Variants in DNAJC8 observed in about 807,000 individuals in gnomAD.
The protein encoded by DNAJC8 is DnaJ heat shock protein family (Hsp40) member C8.
In DNAJC8, 24 loss-of-function variants were observed where a neutral mutation model predicts 43.2. The observed-to-expected ratio is 0.56, with a 90% CI of 0.40 to 0.78. The LOEUF (loss-of-function observed/expected upper bound fraction) is 0.78. DNAJC8 is among the 30% of genes least tolerant of loss of function. DNAJC8 has a pLI of 0.00. For synonymous variants in DNAJC8, 83 were observed against 98.0 expected, an observed-to-expected ratio of 0.85 and a Z score of 0.90; for missense variants, 207 against 299.4, an observed-to-expected ratio of 0.69 and a Z score of 2.28.
At chr1:28,216,601 G>C (rs1278510969) in intron 2 of DNAJC8, among the ~76,000 whole-genome samples, 3 of 151,714 alleles carry the variant, frequency 2.0e-5, no homozygotes, top group Non-Finnish European at 4.4e-5. Flanking sequence ...GATGTTATGG[G>C]ATATATACAG....
In DNAJC8 at chr1:28,215,015, A is replaced by G; in HGVS notation, c.181-19T>C. 6.3e-7 allele frequency: 1 copy of G among 1,589,600 alleles called. No homozygotes were observed. Among genetic ancestry groups the G allele is most frequent in the Admixed American group, 1.8e-5 (1 of 55,986 alleles). ...GAAGAACCTGGAAGTATCAAAATCA[A>G]AACCATAAAAAAGGTGAAAATAAAT... On this transcript the variant is annotated intron_variant, in intron 2 of 8. Coordinates refer to ENST00000263697, the MANE Select transcript of DNAJC8 (RefSeq NM_014280.3).
chr1:28,207,664 G>A (rs538121884), intron 6 of DNAJC8, among the ~76,000 whole-genome samples: 7 of 151,068 alleles, frequency 4.6e-5, no homozygotes, highest in South Asian at 2.1e-4. Context: ...GGATGGTCTC[G>A]AACTCCTGAT....
chr1:28,200,371 GGTAGTTACCTT>G lies in DNAJC8; in HGVS notation c.*866_*876del. 1 of 416,502 alleles carries G rather than the reference GGTAGTTACCTT, an allele frequency of 2.4e-6. No homozygotes were observed. The allele number at this position is 416,502 out of a possible 1,614,324, so 25.8% of individuals were successfully genotyped here. A position where few individuals can be genotyped will look rare whatever the true frequency, so the allele number is the denominator to read the frequency against. On this transcript the variant is annotated 3_prime_UTR_variant, in exon 9 of 9. Coordinates refer to ENST00000263697, the MANE Select transcript of DNAJC8 (RefSeq NM_014280.3). ...ATTGGCAATACCCAAGGAGCACTATGGTAGTTACCTTGTATATGCCATGGCAAATCTGCCCT... is the reference window on the plus strand; with the variant it reads ...ATTGGCAATACCCAAGGAGCACTATGGTATATGCCATGGCAAATCTGCCCT...
chr1:28,209,418 T>C (rs1646794102), intron 5 of DNAJC8, among the ~76,000 whole-genome samples: 1 of 152,148 alleles, frequency 6.6e-6, no homozygotes, highest in African/African-American at 2.4e-5. Flanking sequence ...ATACTGACAT[T>C]TCCCACCACA....
intron 4 of DNAJC8, 44 bp downstream of exon 4, chr1:28,210,527 C>T (rs377713271): frequency 6.6e-7 from 1 of 1,521,904 alleles, no homozygotes; most frequent in Non-Finnish European, 9.1e-7. Context: ...TTAGGCCCTG[C>T]CATTCACAAT....
Position 28,219,076 on chromosome 1 carries a change from C to A in DNAJC8, c.181-4080G>T, listed in dbSNP as rs187122147. On this transcript the variant is annotated intron_variant, in intron 2 of 8. Transcript: ENST00000263697. Reference sequence around the variant, plus strand: ...AGATTATAGCTTACAACTAATCATGCCAAATGTAATTCATAAACCCTGGTT... The same window carrying A: ...AGATTATAGCTTACAACTAATCATGACAAATGTAATTCATAAACCCTGGTT... Among the ~76,000 whole-genome samples the A allele has an allele frequency of 3.2e-3, 487 of 152,198 alleles. 2 individuals carry two copies. The highest frequency in any genetic ancestry group is 0.011 in the African/African-American group (460 of 41,518).
intron 1 of DNAJC8, 39 bp downstream of exon 1, chr1:28,232,882 C>A (rs367617170): frequency 8.7e-6 from 14 of 1,600,458 alleles, no homozygotes; most frequent in Non-Finnish European, 1.1e-5. Context: ...GATCCGGGAG[C>A]GGTCGCCCCG....
chr1:28,229,690 C>T (rs1354146548), intron 1 of DNAJC8, among the ~76,000 whole-genome samples: 1 of 151,762 alleles, frequency 6.6e-6, no homozygotes, highest in Admixed American at 6.6e-5. Flanking sequence ...AGGAGAATCG[C>T]TTGAACCCCA....
At chr1:28,232,678 T>C (rs1197209710) in intron 1 of DNAJC8, among the ~76,000 whole-genome samples, 1 of 152,164 alleles carries the variant, frequency 6.6e-6, no homozygotes, top group Middle Eastern at 3.2e-3. Context: ...GCCCGCACTA[T>C]GTTGGACACA....
chr1:28,201,159 T>C lies in DNAJC8; in HGVS notation c.*89A>G. On this transcript the variant is annotated 3_prime_UTR_variant, in exon 9 of 9. Transcript: ENST00000263697. ...ACTAAAAAGCAAATACTACTCTATGTTGGGGTGGAAGTGGGAGGAAAGAAT... is the reference window on the plus strand; with the variant it reads ...ACTAAAAAGCAAATACTACTCTATGCTGGGGTGGAAGTGGGAGGAAAGAAT... 2.5e-6 allele frequency: 4 copies of C among 1,570,760 alleles called. No homozygotes were observed. The highest frequency in any genetic ancestry group is 1.4e-5 in the African/African-American group (1 of 73,352).
chr1:28,210,967 C>T (rs890749695), intron 3 of DNAJC8, among the ~76,000 whole-genome samples: 13 of 152,000 alleles, frequency 8.6e-5, no homozygotes, highest in Admixed American at 8.5e-4. Context: ...CCCAGGACTT[C>T]GAGACCAGCC....
At position 28,214,971 on chromosome 1, in the gene DNAJC8, G is replaced by T; in HGVS notation, c.206C>A (p.Thr69Lys). The T allele has an allele frequency of 6.2e-7, 1 of 1,608,576 alleles. No individual in the cohort carries two copies. Among genetic ancestry groups the T allele is most frequent in the Non-Finnish European group, 8.5e-7 (1 of 1,177,414 alleles). Residue 69 changes from threonine (T) to lysine (K), a missense_variant, in exon 3 of 9, where the codon ACA becomes AAA. By Grantham distance (78) the Thr-to-Lys change is moderately conservative (BLOSUM62 -1). Around this residue, in one of 2 missense-constraint regions of DNAJC8, gnomAD observed 159 missense variants for 267.5 expected, o/e 0.59. Transcript: ENST00000263697. ...AAACCTCTTTTTTATTTCTTCATCT[G>T]TAACTTCAGGATCTATCTGAAGAAC... ...FEVLQIDPEV[T>K]DEEIKKRFRQ...
chr1:28,205,751 G>C (rs1386702162), intron 6 of DNAJC8, among the ~76,000 whole-genome samples: 1 of 152,168 alleles, frequency 6.6e-6, no homozygotes, highest in Non-Finnish European at 1.5e-5. Context: ...AGCCAAGCAT[G>C]TTGGTGCGTG....
chr1:28,205,884 G>A (rs565337312), intron 6 of DNAJC8, among the ~76,000 whole-genome samples: 12 of 151,830 alleles, frequency 7.9e-5, no homozygotes, highest in East Asian at 3.9e-4. Flanking sequence ...GGGAAACTCC[G>A]TCTCAAAAAC....
chr1:28,212,168 A>AATAAAAAAAAAT (rs35950985), intron 3 of DNAJC8, among the ~76,000 whole-genome samples: 4 of 31,020 alleles, frequency 1.3e-4, no homozygotes, highest in Non-Finnish European at 2.1e-4. Context: ...TAAATAAATA[A>AATAAAAAAAAAT]ATATATATAT....
rs746557361 is a variant in DNAJC8, at chr1:28,201,044, G to T, written c.*204C>A. On this transcript the variant is annotated 3_prime_UTR_variant, in exon 9 of 9. Coordinates refer to ENST00000263697, the MANE Select transcript of DNAJC8 (RefSeq NM_014280.3). ...ACTGGTTGTTCTAGGGGCAGGGAGAGGGAAAGGTCTTTTTTTAAACCAAGC... is the reference window on the plus strand; with the variant it reads ...ACTGGTTGTTCTAGGGGCAGGGAGATGGAAAGGTCTTTTTTTAAACCAAGC... The T allele has an allele frequency of 1.4e-5, 10 of 697,994 alleles. No individual in the cohort carries two copies. Among genetic ancestry groups the T allele is most frequent in the Non-Finnish European group, 2.0e-5 (9 of 439,342 alleles). The allele number at this position is 697,994 out of a possible 1,614,324, so 43.2% of individuals were successfully genotyped here. A position where few individuals can be genotyped will look rare whatever the true frequency, so the allele number is the denominator to read the frequency against.
At chr1:28,219,897 A>G (rs1348781180) in intron 2 of DNAJC8, among the ~76,000 whole-genome samples, 1 of 152,122 alleles carries the variant, frequency 6.6e-6, no homozygotes, top group East Asian at 1.9e-4. Context: ...GGCTGGTCTC[A>G]AACTCCTGAA....
At chr1:28,216,105 T>C (rs1646852275) in intron 2 of DNAJC8, among the ~76,000 whole-genome samples, 2 of 151,886 alleles carry the variant, frequency 1.3e-5, no homozygotes, top group African/African-American at 4.8e-5. Flanking sequence ...TCCCAGTACT[T>C]TGGGAGGCCA....
intron 2 of DNAJC8, among the ~76,000 whole-genome samples, chr1:28,223,594 G>A (rs776098160): frequency 2.0e-5 from 3 of 151,830 alleles, no homozygotes; most frequent in Non-Finnish European, 4.4e-5. Flanking sequence ...AGGAGCCAGC[G>A]CCAGGTGCAC....
Sources: gnomAD v4.1 joint callset for allele counts (sites outside exome capture counted in the v4.1 genomes callset) on GRCh38, gnomAD v4.1.1 for gene constraint, gnomAD v4.1.1 regional missense constraint, MANE v1.5 for transcripts, NCBI Gene and HGNC (gene_info 2026-07-23, HGNC 2026-07-21) for gene names.